KCNIP1: variants seen among roughly 807,000 people sequenced by gnomAD.
The protein encoded by KCNIP1 is A-type potassium channel modulatory protein KCNIP1.
KCNIP1 carries 18 observed loss-of-function variants against 33.0 expected under a neutral mutation model. The ratio of observed to expected loss-of-function variants is 0.55; its 90% CI spans 0.38 to 0.81. KCNIP1 has a LOEUF of 0.81. KCNIP1 is among the 30% of genes least tolerant of loss of function. The probability of loss-of-function intolerance (pLI) is 0.00; values close to 1 mark genes in which losing one functional copy is unlikely to be tolerated. For synonymous variants in KCNIP1, 93 were observed against 98.3 expected (o/e 0.95, Z 0.32); for missense variants, 238 against 271.6 (o/e 0.88, Z 0.87).
At chr5:170,707,494 A>G (rs50057) in intron 1 of KCNIP1, among the ~76,000 whole-genome samples, 34,536 of 152,202 alleles carry the variant, frequency 0.23, 4,039 homozygotes, top group South Asian at 0.33. Flanking sequence ...TGTCACACAC[A>G]AACAGAATTA....
intron 1 of KCNIP1, among the ~76,000 whole-genome samples, chr5:170,695,141 C>A (rs929590158): frequency 2.6e-5 from 4 of 152,150 alleles, no homozygotes; most frequent in Admixed American, 2.6e-4. Flanking sequence ...TTGTCACCTC[C>A]CGATCCCCTT....
At chr5:170,514,013 G>A (rs774006138) in intron 1 of KCNIP1, among the ~76,000 whole-genome samples, 29 of 152,218 alleles carry the variant, frequency 1.9e-4, no homozygotes, top group Non-Finnish European at 3.4e-4. Context: ...TGATTAGTAA[G>A]CAAGGACTTG....
chr5:170,385,395 C>A, intron 1 of KCNIP1: 1 of 1,614,098 alleles, frequency 6.2e-7, no homozygotes, highest in Non-Finnish European at 8.5e-7. Flanking sequence ...TACACCCAGG[C>A]AAAGGGCTCG....
chr5:170,735,905 G>A lies in KCNIP1; in HGVS notation c.*99G>A, dbSNP rs1384375236. ...GTTCTGATTTTACACACCAACTCTT[G>A]GGACAGAAACACCTTTTACACTTTG... On this transcript the variant is annotated 3_prime_UTR_variant, in exon 8 of 8. Coordinates refer to ENST00000328939, the MANE Select transcript of KCNIP1 (RefSeq NM_014592.4). 5 of 1,054,562 alleles carry A rather than the reference G, an allele frequency of 4.7e-6. No homozygotes were observed. In the East Asian group the frequency reaches 1.2e-4, roughly 25 times the overall value. The allele number at this position is 1,054,562 out of a possible 1,614,324, so 65.3% of individuals were successfully genotyped here.
Position 170,579,999 on chromosome 5 carries a change from A to C in KCNIP1, c.61+75366A>C, listed in dbSNP as rs554463251. ...AAAAAAAAAAAACAAGTTTCTTGCA[A>C]GTTCACAGATATGCTTGGTGCTTTC... On this transcript the variant is annotated intron_variant, in intron 1 of 7. Transcript: ENST00000328939. Among the ~76,000 whole-genome samples the C allele has an allele frequency of 1.0e-3, 152 of 152,104 alleles. 1 individual carries two copies. Among genetic ancestry groups the C allele is most frequent in the African/African-American group, 3.3e-3 (138 of 41,490 alleles).
intron 1 of KCNIP1, among the ~76,000 whole-genome samples, chr5:170,620,645 A>G (rs1759565529): frequency 6.6e-6 from 1 of 152,204 alleles, no homozygotes; most frequent in African/African-American, 2.4e-5. Context: ...CTATTTTTAA[A>G]GCCGTATCAG....
chr5:170,396,511 CT>C (rs1754765970), intron 1 of KCNIP1, among the ~76,000 whole-genome samples: 1 of 152,204 alleles, frequency 6.6e-6, no homozygotes, highest in Admixed American at 6.5e-5. Flanking sequence ...GAGACAGAAG[CT>C]ACAGGCAGAC....
intron 1 of KCNIP1, among the ~76,000 whole-genome samples, chr5:170,522,202 A>G (rs1409544279): frequency 6.6e-6 from 1 of 152,190 alleles, no homozygotes; most frequent in East Asian, 1.9e-4. Context: ...CAGGGTCCGC[A>G]CCAAGCCTAT....
intron 1 of KCNIP1, among the ~76,000 whole-genome samples, chr5:170,588,699 T>G (rs115289379): frequency 2.2e-4 from 33 of 152,294 alleles, no homozygotes; most frequent in African/African-American, 7.0e-4. Flanking sequence ...CCCTGGAAGC[T>G]TTATCCCAAG....
chr5:170,602,300 G>A (rs1278825238), intron 1 of KCNIP1, among the ~76,000 whole-genome samples: 6 of 152,250 alleles, frequency 3.9e-5, no homozygotes, highest in East Asian at 3.9e-4. Flanking sequence ...CATCTTAGCC[G>A]CAAGGGACTT....
chr5:170,728,324 CA>C (rs1764077055), intron 5 of KCNIP1, among the ~76,000 whole-genome samples: 1 of 152,168 alleles, frequency 6.6e-6, no homozygotes, highest in African/African-American at 2.4e-5. Flanking sequence ...CACTGTTTAA[CA>C]TTTCCTGAAA....
At chr5:170,601,622 T>C (rs1450565844) in intron 1 of KCNIP1, among the ~76,000 whole-genome samples, 1 of 152,156 alleles carries the variant, frequency 6.6e-6, no homozygotes, top group East Asian at 1.9e-4. Flanking sequence ...CAATAAATAA[T>C]TCAGCAGTGA....
intron 1 of KCNIP1, among the ~76,000 whole-genome samples, chr5:170,497,064 T>A (rs887632113): frequency 6.6e-6 from 1 of 152,172 alleles, no homozygotes; most frequent in Non-Finnish European, 1.5e-5. Flanking sequence ...GCCCTGAGAC[T>A]GTGAGTTCCC....
intron 1 of KCNIP1, among the ~76,000 whole-genome samples, chr5:170,710,096 G>T (rs368667656): frequency 4.6e-4 from 70 of 152,306 alleles, no homozygotes; most frequent in African/African-American, 1.7e-3. Context: ...TCGAACTCCT[G>T]ACCTCAAGTG....
At chr5:170,379,322 C>T (rs941556621) in intron 1 of KCNIP1, among the ~76,000 whole-genome samples, 7 of 152,094 alleles carry the variant, frequency 4.6e-5, no homozygotes, top group Admixed American at 3.3e-4. Context: ...GGGTGAATAT[C>T]GGTTTCAAAG....
rs899463557 is a variant in KCNIP1 at position 170,575,748 on chromosome 5, G to A, written c.61+71115G>A. 3.3e-5 allele frequency among the ~76,000 whole-genome samples: 5 copies of A among 152,188 alleles called. No homozygotes were observed. The East Asian group carries it at 7.7e-4, about 23-fold the overall frequency. Reference sequence around the variant, plus strand: ...CAAAGGGAGCACAGTTGTTCTCAACGGGCCTTTAGAAGCAAAATTCTGGCT... The same window carrying A: ...CAAAGGGAGCACAGTTGTTCTCAACAGGCCTTTAGAAGCAAAATTCTGGCT... On this transcript the variant is annotated intron_variant, in intron 1 of 7. Coordinates refer to ENST00000328939, the MANE Select transcript of KCNIP1 (RefSeq NM_014592.4).
chr5:170,636,552 G>C (rs991330199), intron 1 of KCNIP1, among the ~76,000 whole-genome samples: 4 of 152,100 alleles, frequency 2.6e-5, no homozygotes, highest in African/African-American at 9.7e-5. Flanking sequence ...CTCATCAATG[G>C]CTCAATCAAT....
chr5:170,719,518 T>C (rs1763745366), intron 2 of KCNIP1, among the ~76,000 whole-genome samples: 1 of 152,208 alleles, frequency 6.6e-6, no homozygotes, highest in Non-Finnish European at 1.5e-5. Context: ...TAAGTTTAAC[T>C]CTCAGAGTGC....
At chr5:170,533,814 C>T (rs1044389725) in intron 1 of KCNIP1, among the ~76,000 whole-genome samples, 12 of 152,186 alleles carry the variant, frequency 7.9e-5, no homozygotes, top group African/African-American at 2.4e-4. Context: ...CTCAGGGAGT[C>T]ACATTCCGTC....
Sources: allele counts gnomAD v4.1 joint callset (sites outside exome capture counted in the v4.1 genomes callset), GRCh38; gene constraint gnomAD v4.1.1; transcripts MANE v1.5; gene names NCBI Gene and HGNC (gene_info 2026-07-23, HGNC 2026-07-21).